The following SMIM14 variants were observed in gnomAD, a reference collection of about 807,000 sequenced individuals.
SMIM14 encodes the protein chromosome 4 open reading frame 34.
A neutral mutation model predicts 12.6 loss-of-function variants in SMIM14; 5 were observed. The observed-to-expected ratio is 0.40, with a 90% confidence interval of 0.21 to 0.83. The LOEUF (loss-of-function observed/expected upper bound fraction) is 0.83. Among genes scored for constraint, SMIM14 ranks in the 40% least tolerant of loss-of-function variants. The pLI is 0.37. For missense variants in SMIM14, 86 were observed against 119.1 expected (o/e 0.72, Z 1.29); for synonymous variants, 30 against 40.1 (o/e 0.75, Z 0.95).
intron 2 of SMIM14, among the ~76,000 whole-genome samples, chr4:39,581,524 T>C (rs867288500): frequency 1.3e-5 from 2 of 149,540 alleles, no homozygotes; most frequent in Non-Finnish European, 3.0e-5. Context: ...TTTTCTTTTT[T>C]TTTTTTTTTG....
chr4:39,577,926 T>A lies in SMIM14; in HGVS notation c.76-5463A>T, dbSNP rs537448188. Among the ~76,000 whole-genome samples the A allele has an allele frequency of 1.3e-4, 20 of 152,288 alleles. 1 individual carries two copies. Among genetic ancestry groups the A allele is most frequent in the Admixed American group, 5.2e-4 (8 of 15,294 alleles). ...TGGCTTGACGGCTACATTCCTCATATTCACAAACAGGCTATGCTCTAGGCT... is the reference window on the plus strand; with the variant it reads ...TGGCTTGACGGCTACATTCCTCATAATCACAAACAGGCTATGCTCTAGGCT... On this transcript the variant is annotated intron_variant, in intron 2 of 4. Coordinates refer to ENST00000295958, the MANE Select transcript of SMIM14 (RefSeq NM_174921.3).
At chr4:39,556,596 T>A in intron 3 of SMIM14, 26 bp from the exon 4 acceptor site, 1 of 1,568,024 alleles carries the variant, frequency 6.4e-7, no homozygotes. Flanking sequence ...AAATGTAGCA[T>A]GCTCACAATA....
intron 2 of SMIM14, among the ~76,000 whole-genome samples, chr4:39,586,234 A>C (rs1713777962): frequency 6.6e-6 from 1 of 152,004 alleles, no homozygotes; most frequent in African/African-American, 2.4e-5. Context: ...CTTTTTGCTT[A>C]ATAATTCCAT....
At chr4:39,600,526 C>T (rs892752436) in intron 2 of SMIM14, among the ~76,000 whole-genome samples, 6 of 151,902 alleles carry the variant, frequency 3.9e-5, no homozygotes, top group Admixed American at 2.6e-4. Flanking sequence ...CCCATCTCTA[C>T]GAAAAATACA....
intron 2 of SMIM14, among the ~76,000 whole-genome samples, chr4:39,599,340 C>T (rs1427251771): frequency 2.0e-5 from 3 of 151,858 alleles, no homozygotes; most frequent in Non-Finnish European, 4.4e-5. Context: ...TTTTTTTTTA[C>T]TCTGAGTCTC....
intron 2 of SMIM14, among the ~76,000 whole-genome samples, chr4:39,591,651 A>G (rs1714087074): frequency 6.6e-6 from 1 of 151,898 alleles, no homozygotes; most frequent in East Asian, 1.9e-4. Flanking sequence ...CACCTCCCAG[A>G]CTCAAGTGAT....
chr4:39,577,320 G>C (rs1713254730), intron 2 of SMIM14, among the ~76,000 whole-genome samples: 1 of 152,088 alleles, frequency 6.6e-6, no homozygotes, highest in South Asian at 2.1e-4. Flanking sequence ...TGGTTCATAA[G>C]TGTTTCTCCT....
chr4:39,634,595 T>C (rs967500751), intron 1 of SMIM14, among the ~76,000 whole-genome samples: 5 of 152,218 alleles, frequency 3.3e-5, no homozygotes, highest in Non-Finnish European at 7.3e-5. Context: ...GTAGCTATCA[T>C]TACTACTATA....
At chr4:39,567,297 A>T (rs1712627929) in intron 3 of SMIM14, among the ~76,000 whole-genome samples, 1 of 152,098 alleles carries the variant, frequency 6.6e-6, no homozygotes, top group Admixed American at 6.6e-5. Context: ...GAAGGCTAAG[A>T]ATTGTATGCT....
chr4:39,601,310 C>T lies in SMIM14; in HGVS notation c.75+3761G>A, dbSNP rs567301299. Among the ~76,000 whole-genome samples, 4 of 152,224 alleles carry T rather than the reference C, an allele frequency of 2.6e-5. No individual in the cohort carries two copies. The South Asian group carries it at 8.3e-4, about 32-fold the overall frequency. ...TAAATTCTTAAAAATTGATGATATT[C>T]TGGCCTTCAAAAAAACCCAATTACA... On this transcript the variant is annotated intron_variant, in intron 2 of 4. Coordinates refer to ENST00000295958, the MANE Select transcript of SMIM14 (RefSeq NM_174921.3).
chr4:39,561,641 C>T (rs756063605), intron 3 of SMIM14, among the ~76,000 whole-genome samples: 18 of 151,742 alleles, frequency 1.2e-4, no homozygotes, highest in Non-Finnish European at 2.1e-4. Context: ...AATCTCACGC[C>T]GGGCACGGTG....
intron 3 of SMIM14, among the ~76,000 whole-genome samples, chr4:39,562,415 C>T (rs1015321781): frequency 2.0e-5 from 3 of 151,988 alleles, no homozygotes; most frequent in Non-Finnish European, 2.9e-5. Context: ...AACAAAAAAT[C>T]CCCTCTGCTC....
intron 1 of SMIM14, among the ~76,000 whole-genome samples, chr4:39,634,473 T>C (rs1716020538): frequency 6.6e-6 from 1 of 152,248 alleles, no homozygotes; most frequent in Non-Finnish European, 1.5e-5. Context: ...TGTCTCATTG[T>C]CTTCATTTGT....
At chr4:39,578,910 C>A (rs1480461584) in intron 2 of SMIM14, among the ~76,000 whole-genome samples, 1 of 149,912 alleles carries the variant, frequency 6.7e-6, no homozygotes, top group Non-Finnish European at 1.5e-5. Flanking sequence ...GCAGCAGAAT[C>A]GCTTGAACCT....
Position 39,619,860 on chromosome 4 carries a change from T to A in SMIM14, c.-35-14680A>T, listed in dbSNP as rs200655161. ...AATGTATATATATATTTATATATAT[T>A]TATATATATATATATATTTTTTTTT... On this transcript the variant is annotated intron_variant, in intron 1 of 4. Coordinates refer to ENST00000295958, the MANE Select transcript of SMIM14 (RefSeq NM_174921.3). Among the ~76,000 whole-genome samples, 1,017 of 110,984 alleles carry A rather than the reference T, an allele frequency of 9.2e-3. 27 individuals are homozygous for A. The highest frequency in any genetic ancestry group is 0.036 in the African/African-American group (950 of 26,278). 72.8% of individuals were successfully genotyped at this position (110,984 alleles called of 152,430 possible).
intron 1 of SMIM14, among the ~76,000 whole-genome samples, chr4:39,606,828 A>G (rs1406250225): frequency 6.6e-6 from 1 of 152,146 alleles, no homozygotes; most frequent in East Asian, 1.9e-4. Flanking sequence ...GGGGAGAAGA[A>G]ACTAGAAGAA....
intron 3 of SMIM14, among the ~76,000 whole-genome samples, chr4:39,564,214 G>C (rs1712461921): frequency 6.6e-6 from 1 of 152,168 alleles, no homozygotes; most frequent in Non-Finnish European, 1.5e-5. Flanking sequence ...GAACAGCAGT[G>C]AAAGTGGACA....
chr4:39,599,324 A>AT (rs1714503160), intron 2 of SMIM14, among the ~76,000 whole-genome samples: 1 of 152,050 alleles, frequency 6.6e-6, no homozygotes, highest in Admixed American at 6.6e-5. Flanking sequence ...GACCATGTAA[A>AT]TTTCATTTTT....
At chr4:39,616,509 T>C (rs1446887233) in intron 1 of SMIM14, among the ~76,000 whole-genome samples, 1 of 152,092 alleles carries the variant, frequency 6.6e-6, no homozygotes, top group Non-Finnish European at 1.5e-5. Flanking sequence ...ACTGAAAGCA[T>C]GATTTGGAAA....
Sources: allele counts gnomAD v4.1 joint callset (sites outside exome capture counted in the v4.1 genomes callset), GRCh38; gene constraint gnomAD v4.1.1; transcripts MANE v1.5; gene names NCBI Gene and HGNC (gene_info 2026-07-23, HGNC 2026-07-21).